TCF12: variants seen among roughly 807,000 people sequenced by gnomAD.
TCF12 encodes the protein DNA-binding protein HTF4.
Under a neutral mutation model 86.0 loss-of-function variants are expected in TCF12, and 45 were observed. That is an observed-to-expected ratio of 0.52 (90% CI 0.41 to 0.67). TCF12 has a LOEUF of 0.67. Among genes scored for constraint, TCF12 ranks in the 30% least tolerant of loss-of-function variants. The pLI is 0.00. For synonymous variants in TCF12, 330 were observed against 299.6 expected (o/e 1.10, Z -1.05); for missense variants, 881 against 859.9 (o/e 1.02, Z -0.31).
chr15:57,084,858 A>G (rs1018594803), intron 4 of TCF12, among the ~76,000 whole-genome samples: 23 of 152,124 alleles, frequency 1.5e-4, no homozygotes, highest in Non-Finnish European at 2.5e-4. Flanking sequence ...TAATCTTTCA[A>G]TAAACCTTTT....
chr15:57,263,075 C>A (rs370501839), intron 17 of TCF12, 37 bp from the exon 18 acceptor site: 1 of 1,574,392 alleles, frequency 6.4e-7, no homozygotes, highest in South Asian at 1.2e-5. Context: ...ATATGAGTCT[C>A]GTCTTTTATT....
At chr15:57,230,810 C>T (rs1408480387) in intron 8 of TCF12, among the ~76,000 whole-genome samples, 1 of 151,964 alleles carries the variant, frequency 6.6e-6, no homozygotes. Flanking sequence ...CATTTGTTTG[C>T]TCGATCAGAT....
intron 5 of TCF12, among the ~76,000 whole-genome samples, chr15:57,117,011 G>T (rs1405669464): frequency 6.6e-6 from 1 of 151,710 alleles, no homozygotes; most frequent in African/African-American, 2.4e-5. Context: ...TGTCATGTAG[G>T]TTTGTTCTTT....
At chr15:57,153,983 A>C (rs1472148658) in intron 5 of TCF12, among the ~76,000 whole-genome samples, 3 of 151,978 alleles carry the variant, frequency 2.0e-5, no homozygotes, top group African/African-American at 7.3e-5. Flanking sequence ...TGACAGAAGA[A>C]GACCCTGTGT....
intron 18 of TCF12, among the ~76,000 whole-genome samples, chr15:57,268,977 G>A (rs549020557): frequency 6.6e-6 from 1 of 152,234 alleles, no homozygotes; most frequent in East Asian, 1.9e-4. Flanking sequence ...GTGCAGTGTG[G>A]TGCTGAGAAG....
intron 3 of TCF12, among the ~76,000 whole-genome samples, chr15:56,948,091 G>A (rs2061090121): frequency 6.6e-6 from 1 of 151,866 alleles, no homozygotes; most frequent in Non-Finnish European, 1.5e-5. Flanking sequence ...ATTTTGTGAA[G>A]TTTAAATGAG....
chr15:56,984,330 A>G (rs2063069955), intron 3 of TCF12, among the ~76,000 whole-genome samples: 2 of 143,744 alleles, frequency 1.4e-5, no homozygotes, highest in African/African-American at 5.2e-5. Context: ...GATGGTTGGG[A>G]CAAGGGGAGT....
At chr15:57,227,446 A>G (rs1043468961) in intron 8 of TCF12, among the ~76,000 whole-genome samples, 4 of 152,060 alleles carry the variant, frequency 2.6e-5, no homozygotes, top group Non-Finnish European at 4.4e-5. Flanking sequence ...TGCCAGTTTG[A>G]CTCAAATTTG....
At chr15:57,043,034 C>G (rs2067000333) in intron 3 of TCF12, among the ~76,000 whole-genome samples, 1 of 152,108 alleles carries the variant, frequency 6.6e-6, no homozygotes, top group Non-Finnish European at 1.5e-5. Flanking sequence ...ACTTTATTAA[C>G]ATGTCATCCT....
At chr15:57,253,839 A>G (rs2060225902) in intron 16 of TCF12, among the ~76,000 whole-genome samples, 1 of 152,234 alleles carries the variant, frequency 6.6e-6, no homozygotes. Flanking sequence ...AGTGGTAGAA[A>G]GAATGTGAAA....
chr15:56,962,132 CAAAAAAA>C (rs397853683), intron 3 of TCF12, among the ~76,000 whole-genome samples: 1 of 63,022 alleles, frequency 1.6e-5, no homozygotes, highest in African/African-American at 5.5e-5. Context: ...GACTCCGTCT[CAAAAAAA>C]AAAAAAAAAA....
chr15:57,203,913 G>T (rs1251610097), intron 8 of TCF12, among the ~76,000 whole-genome samples: 3 of 152,022 alleles, frequency 2.0e-5, no homozygotes, highest in Non-Finnish European at 4.4e-5. Context: ...CTCCTTCGGA[G>T]GCTAAAGTGG....
intron 4 of TCF12, among the ~76,000 whole-genome samples, chr15:57,091,000 T>TA (rs1245789116): frequency 1.3e-5 from 2 of 152,188 alleles, no homozygotes; most frequent in Admixed American, 6.5e-5. Context: ...CCCTTTGCTT[T>TA]AAAAAAATAT....
chr15:57,163,817 G>A (rs376210894), intron 5 of TCF12, among the ~76,000 whole-genome samples: 1 of 152,290 alleles, frequency 6.6e-6, no homozygotes, highest in Non-Finnish European at 1.5e-5. Flanking sequence ...AATCAAAATG[G>A]ATCAGAAATC....
At chr15:57,076,410 C>T (rs1596410252) in intron 4 of TCF12, among the ~76,000 whole-genome samples, 2 of 152,128 alleles carry the variant, frequency 1.3e-5, no homozygotes, top group African/African-American at 4.8e-5. Context: ...GTAATCCCAG[C>T]ACTTTGGGAG....
rs2055271463 is a variant in TCF12, at chr15:57,170,652, TTATATAAAATATATA to T, written c.390+4193_390+4207del. The stretch of plus-strand genomic sequence containing the variant: ...TTTATATATATATATAATATATATA[TTATATAAAATATATA>T]TATATATAATATATTATATATAATA... On this transcript the variant is annotated intron_variant, in intron 6 of 20. Coordinates refer to ENST00000333725, the MANE Select transcript of TCF12 (RefSeq NM_207037.2). Among the ~76,000 whole-genome samples the T allele has an allele frequency of 1.1e-4, 5 of 44,940 alleles. No individual in the cohort carries two copies. In the East Asian group the frequency reaches 1.8e-3, roughly 17 times the overall value. The allele number at this position is 44,940 out of a possible 152,430, so 29.5% of individuals were successfully genotyped here.
intron 6 of TCF12, among the ~76,000 whole-genome samples, chr15:57,186,292 C>T (rs1415214601): frequency 3.3e-5 from 5 of 152,068 alleles, no homozygotes; most frequent in African/African-American, 9.7e-5. Context: ...TGAGCCCTGG[C>T]GTTCAAGACC....
intron 9 of TCF12, 91 bp from the exon 10 acceptor site, chr15:57,232,200 T>C: frequency 6.9e-7 from 1 of 1,445,696 alleles, no homozygotes; most frequent in Non-Finnish European, 9.6e-7. Flanking sequence ...GAAAAATATC[T>C]GGAGGGTACC....
intron 5 of TCF12, among the ~76,000 whole-genome samples, chr15:57,165,613 T>C (rs2054834115): frequency 6.6e-6 from 1 of 151,864 alleles, no homozygotes; most frequent in Non-Finnish European, 1.5e-5. Context: ...CTTGGCTCAC[T>C]GCAACCTCCG....
Sources: allele counts gnomAD v4.1 joint callset (sites outside exome capture counted in the v4.1 genomes callset), GRCh38; gene constraint gnomAD v4.1.1; transcripts MANE v1.5; gene names NCBI Gene and HGNC (gene_info 2026-07-23, HGNC 2026-07-21).